GRPR: variants seen among roughly 807,000 people sequenced by gnomAD.
GRPR encodes gastrin releasing peptide receptor.
A neutral mutation model predicts 15.6 loss-of-function variants in GRPR; 4 were observed. The ratio of observed to expected loss-of-function variants is 0.26; its 90% CI spans 0.13 to 0.59. The LOEUF (loss-of-function observed/expected upper bound fraction) is 0.59. GRPR is among the 20% of genes least tolerant of loss of function. The pLI, the probability that GRPR is intolerant of heterozygous loss-of-function variation, is 0.90. For missense variants in GRPR, 270 were observed against 304.1 expected (o/e 0.89, Z 0.83); for synonymous variants, 128 against 126.8 (o/e 1.01, Z -0.06).
chrX:16,146,882 T>TA (rs1362671412), intron 1 of GRPR, among the ~76,000 whole-genome samples: 1 of 112,428 alleles, frequency 8.9e-6, no homozygotes, highest in Non-Finnish European at 1.9e-5. Flanking sequence ...TGTGGTGTTC[T>TA]AAAAAACATT....
rs777698135 is a variant in GRPR at position 16,124,416 on chromosome X, G to C, written c.413+50G>C. Reference sequence around the variant, plus strand: ...GCTCTCCAAGGGTGATAGACGCCTGGGTAAATGAACTACCATGTCGGGACA... The same window carrying C: ...GCTCTCCAAGGGTGATAGACGCCTGCGTAAATGAACTACCATGTCGGGACA... On this transcript the variant is annotated intron_variant, in intron 1 of 2. Transcript: ENST00000380289. The C allele has an allele frequency of 1.0e-5, 11 of 1,080,146 alleles. No homozygotes were observed. In the African/African-American group the frequency reaches 1.6e-4, roughly 16 times the overall value. 89.0% of individuals were successfully genotyped at this position (1,080,146 alleles called of 1,213,427 possible).
At chrX:16,126,395 C>A (rs778558265) in intron 1 of GRPR, among the ~76,000 whole-genome samples, 25 of 112,023 alleles carry the variant, frequency 2.2e-4, no homozygotes, top group Non-Finnish European at 3.8e-4. Flanking sequence ...TGGGATTCTT[C>A]TATCTTATAT....
intron 1 of GRPR, among the ~76,000 whole-genome samples, chrX:16,134,684 G>T (rs1020359190): frequency 3.0e-4 from 33 of 110,672 alleles, no homozygotes; most frequent in African/African-American, 9.2e-4. Flanking sequence ...TCTCTCCTTG[G>T]TGGGCCCTGG....
chrX:16,138,179 C>T (rs1922476659), intron 1 of GRPR, among the ~76,000 whole-genome samples: 1 of 111,727 alleles, frequency 9.0e-6, no homozygotes, highest in African/African-American at 3.3e-5. Context: ...TGATGTGTTG[C>T]ACTGAAGCTA....
At chrX:16,151,387 C>G (rs969488683) in intron 2 of GRPR, among the ~76,000 whole-genome samples, 8 of 111,805 alleles carry the variant, frequency 7.2e-5, no homozygotes, top group African/African-American at 2.3e-4. Flanking sequence ...TGCCTTCTAG[C>G]CCAGGTGTAG....
rs143272558 is a variant in GRPR, at chrX:16,129,767, T to C, written c.413+5401T>C. Among the ~76,000 whole-genome samples, 671 of 111,696 alleles carry C rather than the reference T, an allele frequency of 6.0e-3. 5 individuals carry two copies. Among genetic ancestry groups the C allele is most frequent in the African/African-American group, 0.019 (600 of 30,785 alleles). The stretch of plus-strand genomic sequence containing the variant: ...GAGGTTTTGAGGCTTTCCAAAGACA[T>C]GAGGGGTCAGCTTTCCAGGTCTCCA... On this transcript the variant is annotated intron_variant, in intron 1 of 2. Transcript: ENST00000380289.
rs1168230715 is a variant in GRPR at position 16,152,467 on chromosome X, G to A, written c.977G>A (p.Ser326Asn). 2.5e-6 allele frequency: 3 copies of A among 1,208,733 alleles called. No homozygotes were observed. Among genetic ancestry groups the A allele is most frequent in the Non-Finnish European group, 3.4e-6 (3 of 894,027 alleles). ...AACCCCTTTGCCCTCTACCTGCTGA[G>A]CAAGAGTTTCAGGAAACAGTTCAAC... ...CVNPFALYLL[S>N]KSFRKQFNTQ... Residue 326 changes from serine (S) to asparagine (N), a missense_variant, in exon 3 of 3, where the codon AGC (serine) becomes AAC (asparagine). Transcript: ENST00000380289.
chrX:16,128,296 C>T (rs534544146), intron 1 of GRPR, among the ~76,000 whole-genome samples: 5 of 112,040 alleles, frequency 4.5e-5, no homozygotes, highest in African/African-American at 1.6e-4. Flanking sequence ...GGGTGGATCA[C>T]TTGAGGTCAG....
rs769082267 is a variant in GRPR, at chrX:16,152,448, T to C, written c.958T>C (p.Phe320Leu). The part of the protein sequence containing the change: ...LAFTNSCVNP[F>L]ALYLLSKSFR... ...CTTCACCAACTCCTGCGTGAACCCC[T>C]TTGCCCTCTACCTGCTGAGCAAGAG... Residue 320 changes from phenylalanine to leucine, a missense_variant, in exon 3 of 3, where the codon TTT (phenylalanine) becomes CTT (leucine). Phe to Leu is a conservative substitution (Grantham distance 22, BLOSUM62 0). Around this residue, in one of 3 missense-constraint regions of GRPR, gnomAD observed 133 missense variants for 123.4 expected, o/e 1.08. Coordinates refer to ENST00000380289, the MANE Select transcript of GRPR (RefSeq NM_005314.3). The C allele has an allele frequency of 8.3e-7, 1 of 1,209,292 alleles. No homozygotes were observed. The highest frequency in any genetic ancestry group is 1.1e-6 in the Non-Finnish European group (1 of 893,239).
intron 1 of GRPR, among the ~76,000 whole-genome samples, chrX:16,126,153 G>A (rs982335806): frequency 2.7e-5 from 3 of 111,517 alleles, no homozygotes; most frequent in Non-Finnish European, 5.6e-5. Flanking sequence ...ACTCCTTCGC[G>A]GCTCCAGTGT....
At position 16,150,321 on chromosome X, in the gene GRPR, C is replaced by T. The variant is rs201892634; in HGVS notation, c.430C>T (p.Arg144Trp). 7.3e-5 allele frequency: 87 copies of T among 1,192,291 alleles called. No homozygotes were observed. The highest frequency in any genetic ancestry group is 9.2e-5 in the Non-Finnish European group (81 of 879,515). ...LSADRYKAIV[R>W]PMDIQASHAL... ...CTGCCCTAGATACAAAGCCATTGTCCGGCCAATGGATATCCAGGCCTCTCA... is the reference window on the plus strand; with the variant it reads ...CTGCCCTAGATACAAAGCCATTGTCTGGCCAATGGATATCCAGGCCTCTCA... The change falls in exon 2 of 3, where the codon CGG becomes TGG. Residue 144 changes from arginine to tryptophan, a missense_variant. Coordinates refer to ENST00000380289, the MANE Select transcript of GRPR (RefSeq NM_005314.3).
chrX:16,124,414 T>C (rs375028659), intron 1 of GRPR, 48 bp downstream of exon 1: 6 of 1,085,741 alleles, frequency 5.5e-6, no homozygotes, highest in Non-Finnish European at 7.7e-6. Context: ...GATAGACGCC[T>C]GGGTAAATGA....
At chrX:16,141,816 GC>G (rs1448438298) in intron 1 of GRPR, among the ~76,000 whole-genome samples, 1 of 111,836 alleles carries the variant, frequency 8.9e-6, no homozygotes, top group Non-Finnish European at 1.9e-5. Flanking sequence ...CCAAACTGAG[GC>G]TCACCCACAT....
Position 16,149,120 on chromosome X carries a change from TGG to T in GRPR, c.414-1183_414-1182del, listed in dbSNP as rs762987576. On this transcript the variant is annotated intron_variant, in intron 1 of 2. Coordinates refer to ENST00000380289, the MANE Select transcript of GRPR (RefSeq NM_005314.3). ...TCCACCCAAAGCAGGACTTCCCCGT[TGG>T]GTAATCTTTGTTCCTAGGCTTCCTG... Among the ~76,000 whole-genome samples the T allele has an allele frequency of 3.8e-4, 43 of 111,894 alleles. No individual in the cohort carries two copies. The East Asian group carries it at 4.2e-3, about 11-fold the overall frequency.
At chrX:16,151,290 C>A (rs868458322) in intron 2 of GRPR, among the ~76,000 whole-genome samples, 1 of 112,139 alleles carries the variant, frequency 8.9e-6, no homozygotes, top group South Asian at 3.7e-4. Context: ...TCTTTCTTAT[C>A]CCCCATAACA....
At chrX:16,152,199 T>C in intron 2 of GRPR, 57 bp from the exon 3 acceptor site, 1 of 1,002,793 alleles carries the variant, frequency 1.0e-6, no homozygotes. Flanking sequence ...TCTCTCTGCA[T>C]TCTTCTGACA....
At chrX:16,134,208 T>C (rs1017960845) in intron 1 of GRPR, among the ~76,000 whole-genome samples, 1 of 111,751 alleles carries the variant, frequency 8.9e-6, no homozygotes, top group Non-Finnish European at 1.9e-5. Context: ...CTCACTGTAC[T>C]TCAGTCTGGC....
Position 16,124,149 on chromosome X carries a change from T to G in GRPR, c.196T>G (p.Cys66Gly). The change falls in exon 1 of 3, where the codon TGT becomes GGT. Residue 66 changes from cysteine (C) to glycine (G), a missense_variant. This residue lies in a region of GRPR where 115 missense variants were observed against 128.8 expected (regional missense o/e 0.89). Transcript: ENST00000380289. ...CAACATCACTTTGATCAAGATCTTC[T>G]GTACAGTCAAGTCCATGCGAAACGT... The part of the protein sequence containing the change: ...IGNITLIKIF[C>G]TVKSMRNVPN... 1 of 1,208,751 alleles carries G rather than the reference T, an allele frequency of 8.3e-7. No homozygotes were observed. The highest frequency in any genetic ancestry group is 1.1e-6 in the Non-Finnish European group (1 of 892,589).
At chrX:16,130,598 A>C (rs771040387) in intron 1 of GRPR, among the ~76,000 whole-genome samples, 1 of 112,623 alleles carries the variant, frequency 8.9e-6, no homozygotes, top group South Asian at 3.7e-4. Flanking sequence ...ACTCCAGGGT[A>C]ATCCCCTTCT....
Sources: allele counts gnomAD v4.1 joint callset (sites outside exome capture counted in the v4.1 genomes callset), GRCh38; gene constraint gnomAD v4.1.1; regional missense constraint gnomAD v4.1.1; transcripts MANE v1.5; gene names NCBI Gene and HGNC (gene_info 2026-07-23, HGNC 2026-07-21).